Variants in PHACTR3 observed in about 807,000 individuals in gnomAD.
The protein encoded by PHACTR3 is protein phosphatase 1, regulatory subunit 123.
In PHACTR3, 16 loss-of-function variants were observed where a neutral mutation model predicts 66.8. That is an observed-to-expected ratio of 0.24 (90% CI 0.16 to 0.36). The LOEUF is 0.36. Ranked by LOEUF, PHACTR3 falls within the 10% of genes least tolerant of loss-of-function variation. The pLI is 1.00. For missense variants in PHACTR3, 647 were observed against 719.9 expected (o/e 0.90, Z 1.16); for synonymous variants, 323 against 292.1 (o/e 1.11, Z -1.08).
At position 59,759,640 on chromosome 20, in the gene PHACTR3, C is replaced by T. The variant is rs527259886; in HGVS notation, c.541+4276C>T. ...AAAGCTTGAGGCCACTGTGAGGCAA[C>T]GTGGTCCTAGGTCTCCGGTTTCTAC... is the stretch of plus-strand genomic sequence containing the variant. On this transcript the variant is annotated intron_variant, in intron 4 of 12. Coordinates refer to ENST00000371015, the MANE Select transcript of PHACTR3 (RefSeq NM_080672.5). Among the ~76,000 whole-genome samples the T allele has an allele frequency of 1.6e-4, 24 of 152,316 alleles. 1 individual carries two copies. The highest frequency in any genetic ancestry group is 1.2e-3 in the Admixed American group (19 of 15,308).
chr20:59,644,665 G>A (rs968683996), intron 1 of PHACTR3, among the ~76,000 whole-genome samples: 2 of 152,142 alleles, frequency 1.3e-5, no homozygotes, highest in African/African-American at 4.8e-5. Context: ...TCCAGCATAC[G>A]GGGCCAGGAC....
At chr20:59,726,827 T>G (rs2146703208) in intron 1 of PHACTR3, among the ~76,000 whole-genome samples, 1 of 152,302 alleles carries the variant, frequency 6.6e-6, no homozygotes, top group African/African-American at 2.4e-5. Context: ...TTATTTGACT[T>G]TGTTCATTTG....
intron 7 of PHACTR3, among the ~76,000 whole-genome samples, chr20:59,789,113 C>T (rs548968977): frequency 1.3e-5 from 2 of 152,272 alleles, no homozygotes; most frequent in Admixed American, 6.5e-5. Context: ...CAGTACATGC[C>T]TGTTATCCTT....
At chr20:59,631,476 G>A (rs747577774) in intron 1 of PHACTR3, among the ~76,000 whole-genome samples, 4 of 152,160 alleles carry the variant, frequency 2.6e-5, no homozygotes, top group Non-Finnish European at 5.9e-5. Context: ...TAGCTATGGA[G>A]GGAGGAGAGA....
intron 1 of PHACTR3, among the ~76,000 whole-genome samples, chr20:59,632,065 G>T (rs1294022734): frequency 6.6e-6 from 1 of 152,192 alleles, no homozygotes; most frequent in Non-Finnish European, 1.5e-5. Flanking sequence ...GACGTGTGGG[G>T]ACTGTATCAT....
chr20:59,593,131 A>G (rs7268590), intron 1 of PHACTR3, among the ~76,000 whole-genome samples: 13,839 of 152,236 alleles, frequency 0.091, 637 homozygotes, highest in Middle Eastern at 0.15. Context: ...AATGTGAATG[A>G]GAGTTCCTGT....
chr20:59,699,259 T>C (rs371726400), intron 1 of PHACTR3, among the ~76,000 whole-genome samples: 153 of 152,354 alleles, frequency 1.0e-3, no homozygotes, highest in African/African-American at 3.4e-3. Context: ...AGTCTTGGGC[T>C]GAGACAAATA....
At chr20:59,823,189 C>T (rs1322048009) in intron 8 of PHACTR3, among the ~76,000 whole-genome samples, 1 of 152,158 alleles carries the variant, frequency 6.6e-6, no homozygotes, top group Non-Finnish European at 1.5e-5. Flanking sequence ...AAAAATAAAA[C>T]GGTACTTCTC....
Position 59,645,221 on chromosome 20 carries a change from CTTTTTTTTT to C in PHACTR3, c.118+40102_118+40110del, listed in dbSNP as rs11470114. ...TTTGTTCTTTTTTATGTTAGCAGAT[CTTTTTTTTT>C]TTTTTTTTTTTTACCCACTCTCTGA... On this transcript the variant is annotated intron_variant, in intron 1 of 12. Transcript: ENST00000371015. Among the ~76,000 whole-genome samples the C allele has an allele frequency of 2.3e-3, 282 of 120,572 alleles. 7 individuals are homozygous for C. The highest frequency in any genetic ancestry group is 1.5e-3 in the Non-Finnish European group (85 of 58,608). 79.1% of individuals were successfully genotyped at this position (120,572 alleles called of 152,430 possible). A position where few individuals can be genotyped will look rare whatever the true frequency, so the allele number is the denominator to read the frequency against.
At chr20:59,815,271 G>T (rs2041851723) in intron 8 of PHACTR3, among the ~76,000 whole-genome samples, 1 of 152,128 alleles carries the variant, frequency 6.6e-6, no homozygotes, top group Non-Finnish European at 1.5e-5. Flanking sequence ...TTTCCAAAGG[G>T]ATCACCAGAA....
rs571166300 is a variant in PHACTR3, at chr20:59,791,814, T to C, written c.1175-14227T>C. 4.7e-5 allele frequency among the ~76,000 whole-genome samples: 7 copies of C among 148,690 alleles called. No individual in the cohort carries two copies. In the East Asian group the frequency reaches 1.0e-3, roughly 22 times the overall value. On this transcript the variant is annotated intron_variant, in intron 7 of 12. Transcript: ENST00000371015. ...ATGTGTTCTCATTGTTTCATACTGA[T>C]TGTATTTCTATTTATTTTTGCAAAC...
At chr20:59,599,700 C>G (rs1019526831), upstream of PHACTR3, among the ~76,000 whole-genome samples, 7 of 152,126 alleles carry the variant, frequency 4.6e-5, no homozygotes, top group Non-Finnish European at 1.0e-4. Flanking sequence ...CAAAACAAAA[C>G]AAAACAAAAC....
At chr20:59,827,882 A>G (rs564075189) in intron 8 of PHACTR3, among the ~76,000 whole-genome samples, 1 of 152,028 alleles carries the variant, frequency 6.6e-6, no homozygotes, top group East Asian at 1.9e-4. Flanking sequence ...CCTGCCTCCT[A>G]TGCCCTCAGG....
chr20:59,815,188 C>CG (rs1429130590), intron 8 of PHACTR3, among the ~76,000 whole-genome samples: 3 of 152,072 alleles, frequency 2.0e-5, no homozygotes, highest in East Asian at 1.9e-4. Flanking sequence ...GGGACCTCAT[C>CG]GGGGGGAATT....
intron 7 of PHACTR3, among the ~76,000 whole-genome samples, chr20:59,781,232 G>A (rs1383574414): frequency 6.6e-6 from 1 of 152,218 alleles, no homozygotes; most frequent in Non-Finnish European, 1.5e-5. Context: ...CTTAGCAAGG[G>A]ACAAGGGCAA....
intron 1 of PHACTR3, among the ~76,000 whole-genome samples, chr20:59,607,554 A>G (rs2033711366): frequency 1.3e-5 from 2 of 152,224 alleles, no homozygotes; most frequent in African/African-American, 4.8e-5. Context: ...ATGCATCAGT[A>G]TTTGCAAAGA....
At chr20:59,702,664 C>T (rs1199364757) in intron 1 of PHACTR3, among the ~76,000 whole-genome samples, 1 of 152,206 alleles carries the variant, frequency 6.6e-6, no homozygotes, top group East Asian at 1.9e-4. Flanking sequence ...GTATCCTAGC[C>T]CTAGAACAGT....
chr20:59,673,670 C>T (rs73140878), intron 1 of PHACTR3, among the ~76,000 whole-genome samples: 18,531 of 152,148 alleles, frequency 0.12, 1,431 homozygotes, highest in Non-Finnish European at 0.17. Context: ...GACTTGTACC[C>T]GGGCTTGCTT....
chr20:59,801,055 A>C (rs558387848), intron 7 of PHACTR3, among the ~76,000 whole-genome samples: 1 of 152,282 alleles, frequency 6.6e-6, no homozygotes, highest in East Asian at 1.9e-4. Context: ...TCAGAGTCAC[A>C]TATTAATCCA....
Sources: allele counts gnomAD v4.1 joint callset (sites outside exome capture counted in the v4.1 genomes callset), GRCh38; gene constraint gnomAD v4.1.1; transcripts MANE v1.5; gene names NCBI Gene and HGNC (gene_info 2026-07-23, HGNC 2026-07-21).